The following DCUN1D4 variants were observed in gnomAD, a reference collection of about 807,000 sequenced individuals.
DCUN1D4 encodes DCN1-like protein 4.
Under a neutral mutation model 47.9 loss-of-function variants are expected in DCUN1D4, and 22 were observed. The ratio of observed to expected loss-of-function variants is 0.46; its 90% CI spans 0.33 to 0.66. DCUN1D4 has a LOEUF of 0.66. DCUN1D4 is among the 30% of genes least tolerant of loss of function. The pLI is 0.02. For missense variants in DCUN1D4, 301 were observed against 340.8 expected, an observed-to-expected ratio of 0.88 and a Z score of 0.92; for synonymous variants, 121 against 112.2, an observed-to-expected ratio of 1.08 and a Z score of -0.50.
intron 5 of DCUN1D4, among the ~76,000 whole-genome samples, chr4:51,882,012 T>A (rs1728720388): frequency 1.3e-5 from 2 of 152,126 alleles, no homozygotes; most frequent in East Asian, 3.9e-4. Context: ...TTAAGAAAAG[T>A]GTTAGATGGC....
intron 1 of DCUN1D4, among the ~76,000 whole-genome samples, chr4:51,850,393 G>A (rs573358527): frequency 2.0e-5 from 3 of 152,150 alleles, no homozygotes; most frequent in Non-Finnish European, 2.9e-5. Context: ...CTCCCTGGAT[G>A]TGATGATGTC....
intron 5 of DCUN1D4, among the ~76,000 whole-genome samples, chr4:51,886,060 G>A (rs1366991767): frequency 2.0e-5 from 3 of 152,308 alleles, no homozygotes; most frequent in African/African-American, 4.8e-5. Flanking sequence ...ATGTGTGGAC[G>A]CTTCCTTCAG....
At position 51,866,582 on chromosome 4, in the gene DCUN1D4, T is replaced by G. The variant is rs369947983; in HGVS notation, c.136+2873T>G. On this transcript the variant is annotated intron_variant, in intron 3 of 10. Transcript: ENST00000334635. The stretch of plus-strand genomic sequence containing the variant: ...ATACGTTCCTTCAGCCTCCTGTTGA[T>G]TTATGTACACTTATGCTTATATGTT... Among the ~76,000 whole-genome samples the G allele has an allele frequency of 1.6e-4, 24 of 152,330 alleles. 1 individual carries two copies. The East Asian group carries it at 3.7e-3, about 23-fold the overall frequency.
chr4:51,887,784 C>T (rs1292984666), intron 6 of DCUN1D4, among the ~76,000 whole-genome samples: 1 of 151,984 alleles, frequency 6.6e-6, no homozygotes, highest in Non-Finnish European at 1.5e-5. Flanking sequence ...TTTATTTTAC[C>T]CTTACCATTT....
In DCUN1D4 at chr4:51,843,462, G is replaced by A. The variant is rs1235769866; in HGVS notation, c.25+195G>A. ...CGGCGTGGGGCGGGGGCGGGCGTGG[G>A]GGGAAGGGACCGGCCTGCGGGGAGG... On this transcript the variant is annotated intron_variant, in intron 1 of 10. Coordinates refer to ENST00000334635, the MANE Select transcript of DCUN1D4 (RefSeq NM_001040402.3). The A allele has an allele frequency of 6.5e-6, 8 of 1,237,990 alleles. No homozygotes were observed. In the African/African-American group the frequency reaches 9.6e-5, roughly 15 times the overall value. The allele number at this position is 1,237,990 out of a possible 1,614,324, so 76.7% of individuals were successfully genotyped here.
chr4:51,856,808 A>G (rs1338086692), intron 1 of DCUN1D4, among the ~76,000 whole-genome samples: 1 of 152,208 alleles, frequency 6.6e-6, no homozygotes, highest in Non-Finnish European at 1.5e-5. Context: ...TTGGTTCTAA[A>G]GTCCCTGTGT....
chr4:51,860,611 G>A (rs1429755513), intron 1 of DCUN1D4: 1 of 455,618 alleles, frequency 2.2e-6, no homozygotes, highest in Non-Finnish European at 4.4e-6. Context: ...GGAGGAAGGT[G>A]AATGGAGAGC....
intron 3 of DCUN1D4, among the ~76,000 whole-genome samples, chr4:51,867,621 AG>A (rs1328617345): frequency 6.6e-6 from 1 of 152,134 alleles, no homozygotes; most frequent in Non-Finnish European, 1.5e-5. Context: ...ATCTGCAGGC[AG>A]GTTGTCCTGT....
chr4:51,891,924 A>G (rs1730491638), intron 7 of DCUN1D4, 73 bp downstream of exon 7: 1 of 1,168,882 alleles, frequency 8.6e-7, no homozygotes, highest in Non-Finnish European at 1.2e-6. Context: ...CTAGGACTTC[A>G]GGAGGTGATT....
At chr4:51,879,330 G>T (rs1250178457) in intron 5 of DCUN1D4, among the ~76,000 whole-genome samples, 1 of 152,196 alleles carries the variant, frequency 6.6e-6, no homozygotes, top group Non-Finnish European at 1.5e-5. Context: ...TTGACGGCTG[G>T]GCGCGGTGGC....
At position 51,899,410 on chromosome 4, in the gene DCUN1D4, C is replaced by T. The variant is rs375420265; in HGVS notation, c.615+32C>T. ...TCTCTGGAGCCTATCCAGATGTTTCCCTCTCTTCCCTCCCCTTTTTAAATT... is the reference window on the plus strand; with the variant it reads ...TCTCTGGAGCCTATCCAGATGTTTCTCTCTCTTCCCTCCCCTTTTTAAATT... On this transcript the variant is annotated intron_variant, in intron 8 of 10. Transcript: ENST00000334635. 11 of 1,566,900 alleles carry T rather than the reference C, an allele frequency of 7.0e-6. No homozygotes were observed. The African/African-American group carries it at 1.5e-4, about 22-fold the overall frequency.
chr4:51,843,383 C>T (rs1490052396), intron 1 of DCUN1D4, 116 bp downstream of exon 1: 1 of 1,362,954 alleles, frequency 7.3e-7, no homozygotes, highest in Non-Finnish European at 9.6e-7. Flanking sequence ...GGAGCCCCTG[C>T]CTGGGAACCA....
At chr4:51,849,783 C>G (rs1276991963) in intron 1 of DCUN1D4, among the ~76,000 whole-genome samples, 1 of 151,948 alleles carries the variant, frequency 6.6e-6, no homozygotes, top group African/African-American at 2.4e-5. Context: ...TACATAACTC[C>G]TTGTGCATTT....
intron 3 of DCUN1D4, among the ~76,000 whole-genome samples, chr4:51,872,332 T>A (rs943239978): frequency 6.6e-6 from 1 of 152,184 alleles, no homozygotes; most frequent in African/African-American, 2.4e-5. Context: ...TATTGACAGC[T>A]CTCTCTGCCT....
rs202023578 is a variant in DCUN1D4 at position 51,899,317 on chromosome 4, C to A, written c.554C>A (p.Ser185Ter). The A allele has an allele frequency of 1.2e-6, 2 of 1,608,602 alleles. No homozygotes were observed. Among genetic ancestry groups the A allele is most frequent in the Non-Finnish European group, 1.7e-6 (2 of 1,178,132 alleles). ...KLRNTLDYLR[S>*]FLNDSTNFKL... ...AGAAATACTTTGGATTACTTAAGATCATTCTTAAATGATTCTACAAACTTT... is the reference window on the plus strand; with the variant it reads ...AGAAATACTTTGGATTACTTAAGATAATTCTTAAATGATTCTACAAACTTT... Residue 185 changes from serine to a stop codon, truncating the protein, a stop_gained, in exon 8 of 11, where the codon TCA becomes TAA. Transcript: ENST00000334635. LOFTEE classifies it high-confidence loss of function.
At chr4:51,863,800 A>G in intron 3 of DCUN1D4, 91 bp downstream of exon 3, 1 of 1,324,296 alleles carries the variant, frequency 7.6e-7, no homozygotes, top group Non-Finnish European at 1.1e-6. Context: ...ATGTTGTCAT[A>G]ATGTACTCCA....
At chr4:51,841,468 C>A (rs1485133088), upstream of DCUN1D4, among the ~76,000 whole-genome samples, 1 of 152,128 alleles carries the variant, frequency 6.6e-6, no homozygotes, top group African/African-American at 2.4e-5. Flanking sequence ...CACTGTGGGG[C>A]CCCGCTGAGG....
chr4:51,839,810 C>T (rs1056248158), upstream of DCUN1D4, among the ~76,000 whole-genome samples: 6 of 152,194 alleles, frequency 3.9e-5, no homozygotes, highest in African/African-American at 1.4e-4. Flanking sequence ...TATTCTTCCT[C>T]CTACTCCCAA....
chr4:51,851,331 CAT>C (rs1723330225), intron 1 of DCUN1D4, among the ~76,000 whole-genome samples: 1 of 152,134 alleles, frequency 6.6e-6, no homozygotes. Context: ...GCTTTGAGAA[CAT>C]GTGGGGAATG....
Sources: allele counts gnomAD v4.1 joint callset (sites outside exome capture counted in the v4.1 genomes callset), GRCh38; gene constraint gnomAD v4.1.1; transcripts MANE v1.5; gene names NCBI Gene and HGNC (gene_info 2026-07-23, HGNC 2026-07-21).